The following SLC12A3 variants were observed in gnomAD, a reference collection of about 807,000 sequenced individuals.
SLC12A3 encodes the protein Na-Cl cotransporter.
Under a neutral mutation model 121.0 loss-of-function variants are expected in SLC12A3, and 104 were observed. That is an observed-to-expected ratio of 0.86 (90% CI 0.73 to 1.01). The LOEUF (loss-of-function observed/expected upper bound fraction) is 1.01. Ranked by LOEUF, SLC12A3 falls within the 50% of genes least tolerant of loss-of-function variation. SLC12A3 has a pLI of 0.00. For synonymous variants in SLC12A3, 536 were observed against 533.4 expected (o/e 1.00, Z -0.07); for missense variants, 1,328 against 1,356.3 (o/e 0.98, Z 0.33).
chr16:56,898,583 G>A (rs552219233), intron 22 of SLC12A3, among the ~76,000 whole-genome samples: 1 of 152,198 alleles, frequency 6.6e-6, no homozygotes. Context: ...AAGGCTTCTT[G>A]GGTAATGTTA....
At chr16:56,886,293 G>T (rs2055309121) in intron 15 of SLC12A3, 71 bp from the exon 16 acceptor site, 1 of 1,105,808 alleles carries the variant, frequency 9.0e-7, no homozygotes, top group Non-Finnish European at 1.4e-6. Context: ...GAGCCTGGGA[G>T]GTGCCTTTCG....
chr16:56,880,322 G>T (rs1395504838), intron 12 of SLC12A3, 69 bp downstream of exon 12: 3 of 1,526,092 alleles, frequency 2.0e-6, no homozygotes, highest in South Asian at 1.2e-5. Flanking sequence ...GGTCTTGGGG[G>T]CCGGGCTCTT....
intron 22 of SLC12A3, among the ~76,000 whole-genome samples, chr16:56,897,790 C>A (rs1245965478): frequency 6.6e-6 from 1 of 152,204 alleles, no homozygotes; most frequent in Non-Finnish European, 1.5e-5. Flanking sequence ...CCTTGGTGGG[C>A]CGCATCCTCT....
At position 56,872,414 on chromosome 16, in the gene SLC12A3, A is replaced by G. The variant is rs1405934518; in HGVS notation, c.916A>G (p.Ile306Val). 1 of 1,613,938 alleles carries G rather than the reference A, an allele frequency of 6.2e-7. No homozygotes were observed. Among genetic ancestry groups the G allele is most frequent in the Non-Finnish European group, 8.5e-7 (1 of 1,180,008 alleles). ...TGCCAACTATTTAGTGGGGACGCTG[A>G]TCCCCCCATCTGAGGACAAGGCCTC... Reference protein sequence around the residue: ...SFANYLVGTLIPPSEDKASKG... With the variant: ...SFANYLVGTLVPPSEDKASKG... The change falls in exon 7 of 26, where the codon ATC becomes GTC. Residue 306 changes from isoleucine to valine, a missense_variant. Ile to Val is a conservative substitution (Grantham distance 29). Transcript: ENST00000563236.
intron 12 of SLC12A3, among the ~76,000 whole-genome samples, chr16:56,881,348 G>C (rs2144716853): frequency 6.6e-6 from 1 of 152,278 alleles, no homozygotes; most frequent in Middle Eastern, 3.4e-3. Flanking sequence ...GGTCAGACTT[G>C]ATGTTCCCCG....
In SLC12A3 at chr16:56,877,929, G is replaced by A. The variant is rs1325555203; in HGVS notation, c.1096-148G>A. ...TCTGTGCTGGAACAGGGGCTCTGAG[G>A]GGCCAAGGTCAGAGGTTGCTGCCCC... On this transcript the variant is annotated intron_variant, in intron 8 of 25. Transcript: ENST00000563236. 4.9e-6 allele frequency: 3 copies of A among 609,400 alleles called. No homozygotes were observed. In the South Asian group the frequency reaches 5.9e-5, roughly 12 times the overall value. 37.7% of individuals were successfully genotyped at this position (609,400 alleles called of 1,614,324 possible).
Position 56,890,291 on chromosome 16 carries a change from A to T in SLC12A3, c.2303A>T (p.Asn768Ile), listed in dbSNP as rs574853861. The change falls in exon 19 of 26, where the codon AAC (asparagine) becomes ATC (isoleucine). Residue 768 changes from asparagine to isoleucine, a missense_variant. Physicochemically the swap from Asn to Ile is moderately radical, Grantham distance 149 (BLOSUM62 -3). Transcript: ENST00000563236. ...IGILHDAFDF[N>I]YGVCVMRMRE... ...CTTTCCAGTGATGCCTTTGATTTCA[A>T]CTATGGCGTGTGTGTCATGAGGATG... 11 of 1,614,134 alleles carry T rather than the reference A, an allele frequency of 6.8e-6. No individual in the cohort carries two copies. Among genetic ancestry groups the T allele is most frequent in the Non-Finnish European group, 8.5e-6 (10 of 1,180,010 alleles).
chr16:56,886,868 G>T, intron 16 of SLC12A3, 85 bp from the exon 17 acceptor site: 1 of 1,588,132 alleles, frequency 6.3e-7, no homozygotes. Context: ...AGCCCCTGGG[G>T]CAGCCTCCAG....
At chr16:56,898,811 T>C (rs78950101) in intron 22 of SLC12A3, among the ~76,000 whole-genome samples, 3,379 of 152,290 alleles carry the variant, frequency 0.022, 181 homozygotes, top group East Asian at 0.11. Flanking sequence ...CCTCAGCCGC[T>C]CTAGAATTTC....
chr16:56,884,336 C>G, intron 14 of SLC12A3, 132 bp downstream of exon 14: 2 of 912,308 alleles, frequency 2.2e-6, no homozygotes, highest in Non-Finnish European at 3.4e-6. Flanking sequence ...TGCCCCTCCC[C>G]TTTATCCCTC....
chr16:56,897,155 T>C (rs2055476433), intron 22 of SLC12A3, among the ~76,000 whole-genome samples: 1 of 151,844 alleles, frequency 6.6e-6, no homozygotes, highest in African/African-American at 2.4e-5. Flanking sequence ...AAGTAAATAG[T>C]AAGGCAGGTG....
rs201804135 is a variant in SLC12A3, at chr16:56,880,139, G to C, written c.1453G>C (p.Glu485Gln). The C allele has an allele frequency of 1.2e-6, 2 of 1,606,428 alleles. No individual in the cohort carries two copies. Among genetic ancestry groups the C allele is most frequent in the South Asian group, 2.2e-5 (2 of 88,986 alleles). Residue 485 changes from glutamate (E) to glutamine (Q), a missense_variant, in exon 12 of 26, where the codon GAG becomes CAG. Transcript: ENST00000563236. ...GCATCTGGTGCTGCAGTGCCTTTGCGAGGACCAGCTGTACCCACTGATCGG... is the reference window on the plus strand; with the variant it reads ...GCATCTGGTGCTGCAGTGCCTTTGCCAGGACCAGCTGTACCCACTGATCGG... ...SAAKVFQCLC[E>Q]DQLYPLIGFF...
chr16:56,873,374 C>CTTTTTTTTTTTTTTTTTT (rs59478629), intron 8 of SLC12A3, among the ~76,000 whole-genome samples: 2 of 75,372 alleles, frequency 2.7e-5, no homozygotes, highest in Non-Finnish European at 4.9e-5. Flanking sequence ...CTCTTTCTTT[C>CTTTTTTTTTTTTTTTTTT]TTTTTTTTTT....
At position 56,913,253 on chromosome 16, in the gene SLC12A3, A is replaced by G. The variant is rs537223138; in HGVS notation, c.2925-11A>G. On this transcript the variant is annotated splice_polypyrimidine_tract_variant and intron_variant, in intron 25 of 25. Transcript: ENST00000563236. The stretch of plus-strand genomic sequence containing the variant: ...GTAATCTCTCTTCTACCACTTTTTC[A>G]TGCCTTGCAGCACTTTGCCCATAGG... 27 of 1,614,062 alleles carry G rather than the reference A, an allele frequency of 1.7e-5. No individual in the cohort carries two copies. The highest frequency in any genetic ancestry group is 6.7e-5 in the Admixed American group (4 of 60,012).
At chr16:56,901,336 T>A (rs2055535036) in intron 23 of SLC12A3, among the ~76,000 whole-genome samples, 1 of 119,726 alleles carries the variant, frequency 8.4e-6, no homozygotes, top group African/African-American at 4.2e-5. Flanking sequence ...CAGCCCTACA[T>A]CTCTCTCTCT....
chr16:56,882,041 T>G (rs2055247199), intron 12 of SLC12A3, among the ~76,000 whole-genome samples: 1 of 128,716 alleles, frequency 7.8e-6, no homozygotes. Context: ...AGAGCGAGAG[T>G]CCGTCTCAAA....
Position 56,913,286 on chromosome 16 carries a change from G to A in SLC12A3, c.2947G>A (p.Gly983Arg). Residue 983 changes from glycine to arginine, a missense_variant, in exon 26 of 26, where the codon GGG (glycine) becomes AGG (arginine). Coordinates refer to ENST00000563236, the MANE Select transcript of SLC12A3 (RefSeq NM_001126108.2). ...IVITLPIGRKGKCPSSLYMAW... is the reference protein window; with the variant it reads ...IVITLPIGRKRKCPSSLYMAW... ...CAGCACTTTGCCCATAGGGAGGAAGGGGAAGTGCCCCAGCTCGCTGTACAT... is the reference window on the plus strand; with the variant it reads ...CAGCACTTTGCCCATAGGGAGGAAGAGGAAGTGCCCCAGCTCGCTGTACAT... 6.2e-7 allele frequency: 1 copy of A among 1,614,174 alleles called. No individual in the cohort carries two copies. Among genetic ancestry groups the A allele is most frequent in the South Asian group, 1.1e-5 (1 of 91,076 alleles).
intron 16 of SLC12A3, 83 bp from the exon 17 acceptor site, chr16:56,886,870 A>T: frequency 6.3e-7 from 1 of 1,585,246 alleles, no homozygotes; most frequent in Non-Finnish European, 8.6e-7. Context: ...CCCCTGGGGC[A>T]GCCTCCAGGG....
intron 1 of SLC12A3, 100 bp from the exon 2 acceptor site, chr16:56,866,970 T>C (rs1964369153): frequency 3.3e-6 from 5 of 1,514,460 alleles, no homozygotes; most frequent in Admixed American, 3.4e-5. Flanking sequence ...GGTCGGGGGG[T>C]GCTCGGTATG....
Sources: allele counts gnomAD v4.1 joint callset (sites outside exome capture counted in the v4.1 genomes callset), GRCh38; gene constraint gnomAD v4.1.1; transcripts MANE v1.5; gene names NCBI Gene and HGNC (gene_info 2026-07-23, HGNC 2026-07-21).